SLC8A1: variants seen among roughly 807,000 people sequenced by gnomAD.
SLC8A1 encodes sodium/calcium exchanger 1.
Under a neutral mutation model 68.3 loss-of-function variants are expected in SLC8A1, and 18 were observed. That is an observed-to-expected ratio of 0.26 (90% confidence interval 0.18 to 0.39). The LOEUF (loss-of-function observed/expected upper bound fraction) is 0.39. Ranked by LOEUF, SLC8A1 falls within the 10% of genes least tolerant of loss-of-function variation. The probability of loss-of-function intolerance (pLI) is 1.00; values close to 1 mark genes in which losing one functional copy is unlikely to be tolerated. For synonymous variants in SLC8A1, 475 were observed against 415.5 expected, an observed-to-expected ratio of 1.14 and a Z score of -1.74; for missense variants, 985 against 1,156.7, an observed-to-expected ratio of 0.85 and a Z score of 2.15.
intron 2 of SLC8A1, among the ~76,000 whole-genome samples, chr2:40,395,646 G>A (rs888680535): frequency 6.6e-6 from 1 of 152,012 alleles, no homozygotes; most frequent in African/African-American, 2.4e-5. Flanking sequence ...GAAAGGTAGT[G>A]GAAGAGAAAG....
intron 2 of SLC8A1, among the ~76,000 whole-genome samples, chr2:40,262,201 T>TC (rs1212290947): frequency 6.6e-6 from 1 of 152,158 alleles, no homozygotes; most frequent in African/African-American, 2.4e-5. Flanking sequence ...GACCTTGTGA[T>TC]CCGCCCACCT....
chr2:40,278,696 T>G (rs965549857), intron 2 of SLC8A1, among the ~76,000 whole-genome samples: 2 of 152,110 alleles, frequency 1.3e-5, no homozygotes, highest in Non-Finnish European at 2.9e-5. Flanking sequence ...GGCACACTGA[T>G]GGGGTACGTG....
intron 1 of SLC8A1, among the ~76,000 whole-genome samples, chr2:40,461,698 C>A (rs1170159411): frequency 6.6e-6 from 1 of 152,116 alleles, no homozygotes; most frequent in Admixed American, 6.5e-5. Context: ...ATATTTGTAA[C>A]ATTTAATCAA....
chr2:40,108,965 G>C (rs555029824), exon 8 of SLC8A1: 1 of 152,244 alleles, frequency 6.6e-6, no homozygotes, highest in South Asian at 2.1e-4. Flanking sequence ...AAATCTCTGG[G>C]CAGGATTCTT....
chr2:40,173,594 G>A (rs958430521), intron 4 of SLC8A1, among the ~76,000 whole-genome samples: 1 of 152,192 alleles, frequency 6.6e-6, no homozygotes, highest in Non-Finnish European at 1.5e-5. Flanking sequence ...CATTGGAATT[G>A]CTTGTTCATG....
intron 5 of SLC8A1, among the ~76,000 whole-genome samples, chr2:40,162,662 A>G (rs567136201): frequency 5.3e-4 from 80 of 152,264 alleles, no homozygotes; most frequent in African/African-American, 1.9e-3. Context: ...GACCTATGGG[A>G]AAAATGGGAG....
chr2:40,299,829 C>T (rs1174854537), intron 2 of SLC8A1, among the ~76,000 whole-genome samples: 1 of 152,170 alleles, frequency 6.6e-6, no homozygotes, highest in Non-Finnish European at 1.5e-5. Flanking sequence ...TGCCAAGGAG[C>T]AGACCTCTCT....
chr2:40,138,324 T>C (rs557055282), intron 7 of SLC8A1, among the ~76,000 whole-genome samples: 22 of 152,280 alleles, frequency 1.4e-4, no homozygotes, highest in African/African-American at 5.1e-4. Flanking sequence ...TGGCAAACTT[T>C]AGTAGAAAAC....
intron 6 of SLC8A1, among the ~76,000 whole-genome samples, chr2:40,158,536 A>G (rs988911672): frequency 1.8e-4 from 27 of 152,188 alleles, no homozygotes; most frequent in Admixed American, 6.5e-5. Flanking sequence ...GAGAGGTTTC[A>G]TATCTCAGTT....
At chr2:40,475,041 T>C (rs1180738329) in intron 1 of SLC8A1, among the ~76,000 whole-genome samples, 1 of 152,162 alleles carries the variant, frequency 6.6e-6, no homozygotes, top group Non-Finnish European at 1.5e-5. Context: ...ATAAAAAAAT[T>C]ATTTAGGAAT....
At chr2:40,320,074 G>A (rs1332110102) in intron 2 of SLC8A1, among the ~76,000 whole-genome samples, 1 of 151,904 alleles carries the variant, frequency 6.6e-6, no homozygotes, top group East Asian at 1.9e-4. Context: ...AATAAATATT[G>A]GTATTTGTCT....
intron 7 of SLC8A1, among the ~76,000 whole-genome samples, chr2:40,138,590 G>T (rs2040965365): frequency 6.6e-6 from 1 of 152,172 alleles, no homozygotes; most frequent in South Asian, 2.1e-4. Flanking sequence ...AGAGTCACTT[G>T]TGAGCTTTAC....
chr2:40,400,175 A>G (rs993162387), intron 2 of SLC8A1, among the ~76,000 whole-genome samples: 48 of 152,206 alleles, frequency 3.2e-4, no homozygotes, highest in South Asian at 2.1e-4. Flanking sequence ...CTCTTGAGAC[A>G]GGAGTCTTGC....
chr2:40,416,112 G>A (rs1333588566), intron 2 of SLC8A1, among the ~76,000 whole-genome samples: 3 of 147,798 alleles, frequency 2.0e-5, no homozygotes, highest in Non-Finnish European at 4.5e-5. Flanking sequence ...CAAGCACAGA[G>A]ATGTTCAAAT....
intron 4 of SLC8A1, among the ~76,000 whole-genome samples, chr2:40,168,845 A>G (rs1002658947): frequency 2.6e-5 from 4 of 152,144 alleles, no homozygotes; most frequent in Non-Finnish European, 5.9e-5. Context: ...AATTCACCAT[A>G]TTTTATTGAG....
chr2:40,505,391 T>A (rs1443325987), intron 1 of SLC8A1, among the ~76,000 whole-genome samples: 1 of 151,806 alleles, frequency 6.6e-6, no homozygotes, highest in Non-Finnish European at 1.5e-5. Context: ...GCGATGGATA[T>A]CCCATTCCCC....
chr2:40,251,627 GTCTTA>G (rs2062766365), intron 2 of SLC8A1: 1 of 152,160 alleles, frequency 6.6e-6, no homozygotes, highest in East Asian at 1.9e-4. Flanking sequence ...GTGCAAGGTA[GTCTTA>G]CAGGGGATCT....
In SLC8A1 at chr2:40,157,168, A is replaced by G. The variant is rs532521978; in HGVS notation, c.2161+3597T>C. 1.6e-4 allele frequency among the ~76,000 whole-genome samples: 25 copies of G among 152,338 alleles called. No individual in the cohort carries two copies. In the East Asian group the frequency reaches 4.0e-3, roughly 25 times the overall value. On this transcript the variant is annotated intron_variant, in intron 6 of 7. Transcript: ENST00000406785. ...GCACAAAATTTGATCATATTTTATT[A>G]TAGGTTCTATAATAGAATTGCCTCC...
chr2:40,200,179 T>G (rs867009980), intron 2 of SLC8A1, among the ~76,000 whole-genome samples: 10 of 14,234 alleles, frequency 7.0e-4, no homozygotes, highest in Non-Finnish European at 1.4e-3. Context: ...CATTGATATA[T>G]ATATATATAT....
Sources: gnomAD v4.1 joint callset for allele counts (sites outside exome capture counted in the v4.1 genomes callset) on GRCh38, gnomAD v4.1.1 for gene constraint, MANE v1.5 for transcripts, NCBI Gene and HGNC (gene_info 2026-07-23, HGNC 2026-07-21) for gene names.